LSAMP: variants seen among roughly 807,000 people sequenced by gnomAD.
LSAMP encodes limbic system associated membrane protein, also known as limbic system-associated membrane protein.
A neutral mutation model predicts 38.6 loss-of-function variants in LSAMP; 7 were observed. The ratio of observed to expected loss-of-function variants is 0.18; its 90% CI spans 0.10 to 0.34. The LOEUF (loss-of-function observed/expected upper bound fraction) is 0.34. Ranked by LOEUF, LSAMP falls within the 10% of genes least tolerant of loss-of-function variation. The probability of loss-of-function intolerance (pLI) is 1.00; values close to 1 mark genes in which losing one functional copy is unlikely to be tolerated. For synonymous variants in LSAMP, 154 were observed against 166.8 expected (o/e 0.92, Z 0.59); for missense variants, 313 against 420.0 (o/e 0.75, Z 2.23).
intron 1 of LSAMP, among the ~76,000 whole-genome samples, chr3:116,168,083 T>C (rs1339209786): frequency 6.6e-6 from 1 of 152,176 alleles, no homozygotes; most frequent in Admixed American, 6.5e-5. Flanking sequence ...TAAAGTATTT[T>C]TTAAAAAATA....
intron 1 of LSAMP, among the ~76,000 whole-genome samples, chr3:116,340,485 T>C (rs1051289291): frequency 4.6e-5 from 7 of 152,016 alleles, no homozygotes; most frequent in Non-Finnish European, 8.8e-5. Flanking sequence ...AAAAAAGTAC[T>C]ATCTGTCCTT....
chr3:116,160,698 A>G (rs1334631002), intron 1 of LSAMP, among the ~76,000 whole-genome samples: 2 of 152,222 alleles, frequency 1.3e-5, no homozygotes, highest in Non-Finnish European at 2.9e-5. Flanking sequence ...TTTGGAATAT[A>G]TTTGGCAACA....
Position 116,200,572 on chromosome 3 carries a change from C to A in LSAMP, c.156-114016G>T, listed in dbSNP as rs79684951. Among the ~76,000 whole-genome samples, 682 of 152,300 alleles carry A rather than the reference C, an allele frequency of 4.5e-3. 13 individuals carry two copies. The East Asian group carries it at 0.053, about 12-fold the overall frequency. On this transcript the variant is annotated intron_variant, in intron 1 of 6. Transcript: ENST00000490035. ...AGCTCATGACCCCAAACAGGAGACACATAGCCCCCAGGGGCTTCAAATATT... is the reference window on the plus strand; with the variant it reads ...AGCTCATGACCCCAAACAGGAGACAAATAGCCCCCAGGGGCTTCAAATATT...
intron 3 of LSAMP, among the ~76,000 whole-genome samples, chr3:115,958,127 C>T (rs1321686584): frequency 2.0e-5 from 3 of 152,076 alleles, no homozygotes; most frequent in African/African-American, 7.2e-5. Context: ...TAGTTTGGCT[C>T]ATTTTAGGAA....
chr3:116,239,900 C>T (rs1282450230), intron 1 of LSAMP, among the ~76,000 whole-genome samples: 1 of 152,134 alleles, frequency 6.6e-6, no homozygotes, highest in Non-Finnish European at 1.5e-5. Flanking sequence ...CAAGTTTAAT[C>T]AGTTAAATTA....
At chr3:116,413,658 A>T (rs1375942761) in intron 1 of LSAMP, among the ~76,000 whole-genome samples, 4 of 152,114 alleles carry the variant, frequency 2.6e-5, no homozygotes, top group Non-Finnish European at 5.9e-5. Flanking sequence ...TCCTATGCAC[A>T]TGCAGCAGGC....
At chr3:116,029,000 A>C (rs984251540) in intron 2 of LSAMP, among the ~76,000 whole-genome samples, 3 of 152,124 alleles carry the variant, frequency 2.0e-5, no homozygotes, top group Non-Finnish European at 2.9e-5. Context: ...CCATGAGTGA[A>C]ATAATTTTCA....
chr3:116,162,676 T>TTC (rs140973794), intron 1 of LSAMP, among the ~76,000 whole-genome samples: 30 of 148,122 alleles, frequency 2.0e-4, no homozygotes, highest in Admixed American at 5.4e-4. Flanking sequence ...TCTTCACTGG[T>TTC]TCTCTCTCTC....
At position 116,142,724 on chromosome 3, in the gene LSAMP, A is replaced by G. The variant is rs544387983; in HGVS notation, c.156-56168T>C. Among the ~76,000 whole-genome samples, 6 of 152,116 alleles carry G rather than the reference A, an allele frequency of 3.9e-5. No homozygotes were observed. In the South Asian group the frequency reaches 1.2e-3, roughly 31 times the overall value. ...GTCATTCTCCTTAGAATATATTCCA[A>G]TTTGACTATGGCCTGTTACAGAGTG... is the stretch of plus-strand genomic sequence containing the variant. On this transcript the variant is annotated intron_variant, in intron 1 of 6. Coordinates refer to ENST00000490035, the MANE Select transcript of LSAMP (RefSeq NM_002338.5).
rs186881497 is a variant in LSAMP at position 115,909,098 on chromosome 3, C to G, written c.515-56481G>C. Among the ~76,000 whole-genome samples the G allele has an allele frequency of 4.6e-5, 7 of 152,270 alleles. No individual in the cohort carries two copies. In the East Asian group the frequency reaches 7.7e-4, roughly 17 times the overall value. ...ATACTGCCTTCCCTGTCCTAATGCC[C>G]GTCCGGTTCAATATCTGTCTAGGGC... On this transcript the variant is annotated intron_variant, in intron 3 of 6. Coordinates refer to ENST00000490035, the MANE Select transcript of LSAMP (RefSeq NM_002338.5).
intron 1 of LSAMP, among the ~76,000 whole-genome samples, chr3:116,122,908 C>T (rs1036809917): frequency 5.3e-5 from 8 of 152,112 alleles, no homozygotes; most frequent in Non-Finnish European, 1.5e-5. Context: ...ATGCTCCCTG[C>T]CCTTAGAAGG....
At chr3:115,900,512 CAAAAAAAA>C (rs5851983) in intron 3 of LSAMP, among the ~76,000 whole-genome samples, 1 of 74,352 alleles carries the variant, frequency 1.3e-5, no homozygotes, top group Admixed American at 1.4e-4. Flanking sequence ...TGAGACTGTC[CAAAAAAAA>C]AAAAAAAAAA....
chr3:116,148,135 A>AAAACAC (rs1709529788), intron 1 of LSAMP, among the ~76,000 whole-genome samples: 1 of 148,852 alleles, frequency 6.7e-6, no homozygotes, highest in African/African-American at 2.5e-5. Context: ...TTTTTAATTC[A>AAAACAC]TGAGGAATGT....
intron 1 of LSAMP, among the ~76,000 whole-genome samples, chr3:116,269,163 G>C (rs1384076342): frequency 6.6e-6 from 1 of 151,990 alleles, no homozygotes; most frequent in Non-Finnish European, 1.5e-5. Flanking sequence ...GGCTTCAAGG[G>C]AACATGATGA....
chr3:116,002,366 G>A (rs1940021523), intron 3 of LSAMP, among the ~76,000 whole-genome samples: 1 of 152,202 alleles, frequency 6.6e-6, no homozygotes, highest in East Asian at 1.9e-4. Flanking sequence ...CTTGGTGCCA[G>A]ACACTGGAGA....
rs544689360 is a variant in LSAMP, at chr3:116,173,046, G to A, written c.156-86490C>T. On this transcript the variant is annotated intron_variant, in intron 1 of 6. Coordinates refer to ENST00000490035, the MANE Select transcript of LSAMP (RefSeq NM_002338.5). ...CTAAATTCTCAAAAATCTTAAGATCGACTTATTTCAACATACATGAATGTT... is the reference window on the plus strand; with the variant it reads ...CTAAATTCTCAAAAATCTTAAGATCAACTTATTTCAACATACATGAATGTT... Among the ~76,000 whole-genome samples the A allele has an allele frequency of 2.6e-5, 4 of 152,084 alleles. 1 individual carries two copies. The highest frequency in any genetic ancestry group is 4.2e-4 in the South Asian group (2 of 4,814).
chr3:116,158,365 A>G (rs1010590884), intron 1 of LSAMP, among the ~76,000 whole-genome samples: 1 of 152,190 alleles, frequency 6.6e-6, no homozygotes, highest in Non-Finnish European at 1.5e-5. Flanking sequence ...GCCATCAGGC[A>G]AGAGGAAGAA....
intron 1 of LSAMP, among the ~76,000 whole-genome samples, chr3:116,267,363 G>A (rs2046905826): frequency 6.6e-6 from 1 of 152,114 alleles, no homozygotes. Flanking sequence ...AACAGAATCA[G>A]CATAGCAAGG....
chr3:115,954,040 A>T (rs1015325687), intron 3 of LSAMP, among the ~76,000 whole-genome samples: 46 of 152,104 alleles, frequency 3.0e-4, no homozygotes, highest in Admixed American at 2.7e-3. Context: ...TTTTTCTGTC[A>T]CATATGATGA....
Sources: allele counts gnomAD v4.1 joint callset (sites outside exome capture counted in the v4.1 genomes callset), GRCh38; gene constraint gnomAD v4.1.1; transcripts MANE v1.5; gene names NCBI Gene and HGNC (gene_info 2026-07-23, HGNC 2026-07-21).